The following PCDHGA2 variants were observed in gnomAD, a reference collection of about 807,000 sequenced individuals.
PCDHGA2 encodes the protein protocadherin gamma-A2.
PCDHGA2 carries 40 observed loss-of-function variants against 59.2 expected under a neutral mutation model. The observed-to-expected ratio is 0.68, with a 90% CI of 0.52 to 0.88. The LOEUF is 0.88. PCDHGA2 is among the 40% of genes least tolerant of loss of function. The probability of loss-of-function intolerance (pLI) is 0.00; values close to 1 mark genes in which losing one functional copy is unlikely to be tolerated. For missense variants in PCDHGA2, 1,226 were observed against 1,204.0 expected (o/e 1.02, Z -0.27); for synonymous variants, 560 against 526.0 (o/e 1.06, Z -0.89).
intron 1 of PCDHGA2, among the ~76,000 whole-genome samples, chr5:141,483,021 G>A (rs543104114): frequency 6.6e-6 from 1 of 152,126 alleles, no homozygotes; most frequent in East Asian, 1.9e-4. Context: ...GGAGGCAGAG[G>A]TTGCAATGAG....
chr5:141,349,639 G>T (rs1047653620), intron 1 of PCDHGA2, among the ~76,000 whole-genome samples: 2 of 151,988 alleles, frequency 1.3e-5, no homozygotes, highest in African/African-American at 4.8e-5. Flanking sequence ...TATATGGAGA[G>T]ATTTAAAATA....
chr5:141,403,213 G>A (rs1314899957), intron 1 of PCDHGA2: 1 of 1,613,970 alleles, frequency 6.2e-7, no homozygotes, highest in Non-Finnish European at 8.5e-7. Flanking sequence ...TGGTCACCGC[G>A]GGTAGGATAG....
chr5:141,339,161 G>A lies in PCDHGA2; in HGVS notation c.190G>A (p.Val64Ile), dbSNP rs773231045. The change falls in exon 1 of 4, where the codon GTC becomes ATC. Residue 64 changes from valine to isoleucine, a missense_variant. Coordinates refer to ENST00000394576, the MANE Select transcript of PCDHGA2 (RefSeq NM_018915.4). ...LEPLALAEQG[V>I]RIVSRGRSQL... ...GCCCCTGGCACTGGCAGAGCAGGGA[G>A]TCCGCATCGTCTCCAGAGGTAGGTC... The A allele has an allele frequency of 6.2e-7, 1 of 1,614,202 alleles. No homozygotes were observed. Among genetic ancestry groups the A allele is most frequent in the South Asian group, 1.1e-5 (1 of 91,090 alleles).
intron 1 of PCDHGA2, chr5:141,366,026 G>A (rs1435351419): frequency 4.3e-6 from 7 of 1,614,094 alleles, no homozygotes; most frequent in Non-Finnish European, 5.1e-6. Flanking sequence ...CCTGTACCCC[G>A]CCCTCCCCAC....
rs922668811 is a variant in PCDHGA2 at position 141,432,984 on chromosome 5, G to A, written c.2425-61823G>A. On this transcript the variant is annotated intron_variant, in intron 1 of 3. Transcript: ENST00000394576. This position sits in a 1 kb window ranked among gnomAD's most constrained non-coding sequence, Gnocchi z 6.0. ...GGAGCGCCGGCGTCGCACTTTGTGG[G>A]CGTGGACGGGGTGCAGGCTTTCCTG... 1.9e-6 allele frequency: 3 copies of A among 1,614,214 alleles called. No individual in the cohort carries two copies. Among genetic ancestry groups the A allele is most frequent in the Admixed American group, 1.7e-5 (1 of 60,028 alleles).
At chr5:141,419,521 C>A (rs1418329404) in intron 1 of PCDHGA2, 1 of 1,612,240 alleles carries the variant, frequency 6.2e-7, no homozygotes, top group Non-Finnish European at 8.5e-7. Context: ...TGGTGGGCGA[C>A]CGTAACGACA....
At chr5:141,399,576 C>A (rs2093838433) in intron 1 of PCDHGA2, 4 of 1,614,028 alleles carry the variant, frequency 2.5e-6, no homozygotes, top group Non-Finnish European at 3.4e-6. Context: ...ACGGCCAAGT[C>A]TCCTACTCTA....
At chr5:141,446,891 C>A (rs1457416718) in intron 1 of PCDHGA2, among the ~76,000 whole-genome samples, 1 of 152,152 alleles carries the variant, frequency 6.6e-6, no homozygotes, top group Non-Finnish European at 1.5e-5. Context: ...GGGTTCATGG[C>A]TGAGCTACTT....
rs1428910817 is a variant in PCDHGA2, at chr5:141,390,296, A to G, written c.2424+48901A>G. ...CTTCCCATCAGGTGAGTTTCCTTTA[A>G]GTATAATTTAATGCTCATTGCCTAC... On this transcript the variant is annotated intron_variant, in intron 1 of 3. Coordinates refer to ENST00000394576, the MANE Select transcript of PCDHGA2 (RefSeq NM_018915.4). 7 of 1,613,806 alleles carry G rather than the reference A, an allele frequency of 4.3e-6. No individual in the cohort carries two copies. The Admixed American group carries it at 1.2e-4, about 27-fold the overall frequency.
At chr5:141,418,572 A>AC (rs752316020) in intron 1 of PCDHGA2, 2 of 1,613,794 alleles carry the variant, frequency 1.2e-6, no homozygotes, top group African/African-American at 1.3e-5. Context: ...GCCAATGACA[A>AC]CCCCCCAGTG....
At chr5:141,344,366 G>A (rs376488633) in intron 1 of PCDHGA2, 7 of 1,613,332 alleles carry the variant, frequency 4.3e-6, no homozygotes, top group Non-Finnish European at 5.9e-6. Context: ...TTCTGGTTGA[G>A]GATAAATTGA....
At position 141,413,874 on chromosome 5, in the gene PCDHGA2, T is replaced by G. The variant is rs1371905896; in HGVS notation, c.2424+72479T>G. ...TCCGATCTGGCACTGTCCTTGTCAG[T>G]GTGACTGTCTTCGATGCAAATGACA... is the stretch of plus-strand genomic sequence containing the variant. On this transcript the variant is annotated intron_variant, in intron 1 of 3. Coordinates refer to ENST00000394576, the MANE Select transcript of PCDHGA2 (RefSeq NM_018915.4). 6 of 1,613,306 alleles carry G rather than the reference T, an allele frequency of 3.7e-6. No homozygotes were observed. In the African/African-American group the frequency reaches 8.0e-5, roughly 22 times the overall value.
At chr5:141,440,093 GA>G (rs2098151022) in intron 1 of PCDHGA2, 1 of 152,302 alleles carries the variant, frequency 6.6e-6, no homozygotes, top group Non-Finnish European at 1.5e-5. Context: ...TCTAAGTGGG[GA>G]AAGTGGAGAC....
chr5:141,375,280 C>T (rs771324220), intron 1 of PCDHGA2: 1 of 1,613,676 alleles, frequency 6.2e-7, no homozygotes, highest in Non-Finnish European at 8.5e-7. Context: ...AATCAGTTGG[C>T]AATTATTATC....
At chr5:141,504,570 AC>A (rs1468526948) in intron 2 of PCDHGA2, among the ~76,000 whole-genome samples, 1 of 148,874 alleles carries the variant, frequency 6.7e-6, no homozygotes, top group Admixed American at 6.9e-5. Flanking sequence ...ATTCTAGGGA[AC>A]ACCATCTGCC....
At chr5:141,355,609 C>T (rs372082461) in intron 1 of PCDHGA2, 1 of 1,613,990 alleles carries the variant, frequency 6.2e-7, no homozygotes, top group Non-Finnish European at 8.5e-7. Flanking sequence ...TGGGACAGAA[C>T]AGAGGGAAAT....
At chr5:141,374,204 A>G in intron 1 of PCDHGA2, 1 of 1,613,902 alleles carries the variant, frequency 6.2e-7, no homozygotes. Flanking sequence ...GGAGCTGGAG[A>G]AAGGCTCCTT....
In PCDHGA2 at chr5:141,431,940, T is replaced by G; in HGVS notation, c.2425-62867T>G. ...ATCCAAGGAAATCTGCCCTTTAAAT[T>G]AGAAAAATCTTACGGAAATTACTAT... On this transcript the variant is annotated intron_variant, in intron 1 of 3. Coordinates refer to ENST00000394576, the MANE Select transcript of PCDHGA2 (RefSeq NM_018915.4). The surrounding 1 kb of genome is among the most constrained non-coding windows in gnomAD (Gnocchi z 4.8). 2 of 1,614,132 alleles carry G rather than the reference T, an allele frequency of 1.2e-6. No homozygotes were observed. Among genetic ancestry groups the G allele is most frequent in the Non-Finnish European group, 1.7e-6 (2 of 1,179,998 alleles).
chr5:141,388,382 A>T, intron 1 of PCDHGA2: 1 of 1,614,018 alleles, frequency 6.2e-7, no homozygotes, highest in Non-Finnish European at 8.5e-7. Flanking sequence ...GTAGCAACAC[A>T]CTGCAGAATT....
Sources: allele counts gnomAD v4.1 joint callset (sites outside exome capture counted in the v4.1 genomes callset), GRCh38; gene constraint gnomAD v4.1.1; non-coding constraint Gnocchi (gnomAD v3.1); transcripts MANE v1.5; gene names NCBI Gene and HGNC (gene_info 2026-07-23, HGNC 2026-07-21).